The following RNF17 variants were observed in gnomAD, a reference collection of about 807,000 sequenced individuals.
RNF17 encodes ring finger protein 17.
Under a neutral mutation model 200.5 loss-of-function variants are expected in RNF17, and 31 were observed. The observed-to-expected ratio is 0.15, with a 90% CI of 0.12 to 0.21. The LOEUF is 0.21. RNF17 is among the 10% of genes least tolerant of loss of function. The pLI is 1.00. For synonymous variants in RNF17, 606 were observed against 637.8 expected, an observed-to-expected ratio of 0.95 and a Z score of 0.75; for missense variants, 1,628 against 1,905.1, an observed-to-expected ratio of 0.85 and a Z score of 2.71.
intron 24 of RNF17, among the ~76,000 whole-genome samples, chr13:24,851,977 A>G (rs773626140): frequency 1.8e-4 from 27 of 152,292 alleles, no homozygotes; most frequent in Non-Finnish European, 2.2e-4. Flanking sequence ...TGAAATGTAA[A>G]TGTATTTATA....
At chr13:24,857,918 A>C (rs1361014037) in intron 25 of RNF17, among the ~76,000 whole-genome samples, 1 of 152,210 alleles carries the variant, frequency 6.6e-6, no homozygotes, top group Non-Finnish European at 1.5e-5. Context: ...TAAAATAAAT[A>C]CAGAAGTTTA....
At chr13:24,841,663 A>T (rs1890650915) in intron 18 of RNF17, among the ~76,000 whole-genome samples, 1 of 152,198 alleles carries the variant, frequency 6.6e-6, no homozygotes, top group Non-Finnish European at 1.5e-5. Context: ...TTTTTAAAAA[A>T]ATTGCCTCAT....
intron 15 of RNF17, among the ~76,000 whole-genome samples, chr13:24,821,814 A>AT (rs1313221006): frequency 1.3e-5 from 2 of 151,648 alleles, no homozygotes; most frequent in African/African-American, 2.4e-5. Flanking sequence ...TTTGATTTGC[A>AT]TTTTTTTTCT....
In RNF17 at chr13:24,771,708, C is replaced by T. The variant is rs148001848; in HGVS notation, c.226-3105C>T. Among the ~76,000 whole-genome samples, 1,137 of 150,028 alleles carry T rather than the reference C, an allele frequency of 7.6e-3. 8 individuals are homozygous for T. Among genetic ancestry groups the T allele is most frequent in the Middle Eastern group, 0.031 (9 of 292 alleles). On this transcript the variant is annotated intron_variant, in intron 2 of 35. Coordinates refer to ENST00000255324, the MANE Select transcript of RNF17 (RefSeq NM_031277.3). The stretch of plus-strand genomic sequence containing the variant: ...TATATATATATATCTTCAATACTTA[C>T]GTTTTTTTAAAGAAGTATATGTTGG...
At chr13:24,798,331 T>TTAC (rs1884848160) in intron 11 of RNF17, among the ~76,000 whole-genome samples, 1 of 152,198 alleles carries the variant, frequency 6.6e-6, no homozygotes, top group African/African-American at 2.4e-5. Flanking sequence ...AAGTGGGGAT[T>TTAC]TACTATATTT....
chr13:24,788,320 T>C (rs1246689609), intron 7 of RNF17, among the ~76,000 whole-genome samples, 161 bp downstream of exon 7: 1 of 152,184 alleles, frequency 6.6e-6, no homozygotes, highest in Non-Finnish European at 1.5e-5. Context: ...GTCTAAGTTA[T>C]AATAAAATAA....
chr13:24,788,169 T>C lies in RNF17; in HGVS notation c.783+10T>C, dbSNP rs747293972. The C allele has an allele frequency of 2.0e-5, 32 of 1,565,678 alleles. No homozygotes were observed. Among genetic ancestry groups the C allele is most frequent in the Non-Finnish European group, 2.7e-5 (31 of 1,160,328 alleles). ...CTGTGACCTGAATCAGGTAATTTAA[T>C]AGTTCACAATGTGAGTTATTTCTGT... On this transcript the variant is annotated intron_variant, in intron 7 of 35. Coordinates refer to ENST00000255324, the MANE Select transcript of RNF17 (RefSeq NM_031277.3).
intron 2 of RNF17, among the ~76,000 whole-genome samples, chr13:24,768,601 T>A (rs1026047164): frequency 2.6e-5 from 4 of 152,110 alleles, no homozygotes; most frequent in African/African-American, 9.7e-5. Context: ...AAATTCTTGA[T>A]GTTTTACTGG....
the RNF17 span, among the ~76,000 whole-genome samples, chr13:24,753,740 G>A: frequency 6.6e-6 from 1 of 152,188 alleles, no homozygotes; most frequent in East Asian, 1.9e-4. Flanking sequence ...AGAGGATCTT[G>A]TCCCCCATTA....
At chr13:24,818,709 C>T (rs947640023) in intron 15 of RNF17, among the ~76,000 whole-genome samples, 1 of 152,106 alleles carries the variant, frequency 6.6e-6, no homozygotes, top group African/African-American at 2.4e-5. Context: ...TCTCAGATCT[C>T]TCTTGATTAC....
At chr13:24,809,427 A>T (rs867674139) in intron 15 of RNF17, among the ~76,000 whole-genome samples, 1 of 152,022 alleles carries the variant, frequency 6.6e-6, no homozygotes, top group African/African-American at 2.4e-5. Context: ...GTTTATTTGC[A>T]TAGAGGTGTT....
intron 30 of RNF17, among the ~76,000 whole-genome samples, chr13:24,867,736 G>C (rs1243573690): frequency 1.3e-5 from 2 of 152,098 alleles, no homozygotes; most frequent in African/African-American, 4.8e-5. Flanking sequence ...ATACACATTT[G>C]CTTTTAACAA....
At chr13:24,785,539 A>G (rs1007425859) in intron 6 of RNF17, among the ~76,000 whole-genome samples, 4 of 152,200 alleles carry the variant, frequency 2.6e-5, no homozygotes, top group Non-Finnish European at 5.9e-5. Flanking sequence ...AAAATGTTAC[A>G]TGCACACTTG....
intron 17 of RNF17, among the ~76,000 whole-genome samples, chr13:24,831,009 C>T (rs1460497862): frequency 6.6e-6 from 1 of 152,120 alleles, no homozygotes; most frequent in Non-Finnish European, 1.5e-5. Flanking sequence ...CCTTGTTTAT[C>T]TCTGGGGAGG....
At chr13:24,753,771 G>GT in the RNF17 span, among the ~76,000 whole-genome samples, 13 of 152,052 alleles carry the variant, frequency 8.5e-5, no homozygotes, top group Admixed American at 5.9e-4. Context: ...GTTTTGTTTT[G>GT]TTTTTTTGAG....
intron 15 of RNF17, among the ~76,000 whole-genome samples, chr13:24,822,467 G>C (rs772440279): frequency 3.3e-5 from 5 of 151,724 alleles, no homozygotes; most frequent in Non-Finnish European, 5.9e-5. Context: ...TGTGCCCCTG[G>C]CTAGAGTGCA....
At chr13:24,809,351 A>G (rs1485618989) in intron 15 of RNF17, among the ~76,000 whole-genome samples, 3 of 152,004 alleles carry the variant, frequency 2.0e-5, no homozygotes, top group South Asian at 4.2e-4. Flanking sequence ...CAGAGATTCA[A>G]CTTCTTCCTG....
intron 15 of RNF17, among the ~76,000 whole-genome samples, chr13:24,811,757 C>T (rs985128826): frequency 6.6e-6 from 1 of 151,946 alleles, no homozygotes; most frequent in Admixed American, 6.6e-5. Flanking sequence ...TCTGTTTTTT[C>T]CCCATCTTTG....
chr13:24,832,457 C>T (rs1334690458), intron 18 of RNF17, among the ~76,000 whole-genome samples: 1 of 152,136 alleles, frequency 6.6e-6, no homozygotes, highest in African/African-American at 2.4e-5. Flanking sequence ...TAGAGTCTGA[C>T]CACTAGCCCA....
Sources: allele counts gnomAD v4.1 joint callset (sites outside exome capture counted in the v4.1 genomes callset), GRCh38; gene constraint gnomAD v4.1.1; transcripts MANE v1.5; gene names NCBI Gene and HGNC (gene_info 2026-07-23, HGNC 2026-07-21).